Variants in PTPRO observed in about 807,000 individuals in gnomAD.
PTPRO encodes receptor-type tyrosine-protein phosphatase O.
A neutral mutation model predicts 145.2 loss-of-function variants in PTPRO; 62 were observed. That is an observed-to-expected ratio of 0.43 (90% CI 0.35 to 0.53). The LOEUF is 0.53. PTPRO is among the 20% of genes least tolerant of loss of function. PTPRO has a pLI of 0.01. For missense variants in PTPRO, 1,345 were observed against 1,482.7 expected, an observed-to-expected ratio of 0.91 and a Z score of 1.53; for synonymous variants, 565 against 514.7, an observed-to-expected ratio of 1.10 and a Z score of -1.32.
chr12:15,398,687 A>T (rs1007343189), intron 1 of PTPRO, among the ~76,000 whole-genome samples: 101 of 143,324 alleles, frequency 7.0e-4, no homozygotes, highest in Non-Finnish European at 2.0e-4. Context: ...TTTTACAGAA[A>T]CTCTTTTTTT....
chr12:15,382,983 C>T (rs566328290), intron 1 of PTPRO, among the ~76,000 whole-genome samples: 1 of 152,302 alleles, frequency 6.6e-6, no homozygotes, highest in South Asian at 2.1e-4. Flanking sequence ...TTAAAATTCA[C>T]TCTTTTAGCA....
intron 1 of PTPRO, among the ~76,000 whole-genome samples, chr12:15,360,820 ATG>A (rs1389669854): frequency 1.2e-4 from 16 of 137,250 alleles, no homozygotes; most frequent in East Asian, 4.2e-4. Flanking sequence ...GTGTGTATAT[ATG>A]TGTGTGTATA....
At chr12:15,478,225 C>A (rs1053840289) in intron 1 of PTPRO, among the ~76,000 whole-genome samples, 1 of 152,138 alleles carries the variant, frequency 6.6e-6, no homozygotes, top group South Asian at 2.1e-4. Flanking sequence ...CTGTGATCAC[C>A]AGCCAATAGG....
At chr12:15,522,960 A>G (rs1034172103) in intron 10 of PTPRO, among the ~76,000 whole-genome samples, 5 of 152,238 alleles carry the variant, frequency 3.3e-5, no homozygotes, top group African/African-American at 9.6e-5. Flanking sequence ...CTTGTATATG[A>G]CGAAATATGT....
At chr12:15,344,455 T>C (rs544282136) in intron 1 of PTPRO, among the ~76,000 whole-genome samples, 1 of 152,294 alleles carries the variant, frequency 6.6e-6, no homozygotes, top group African/African-American at 2.4e-5. Flanking sequence ...ATGAAAAGAA[T>C]AGCTCTCTAT....
chr12:15,352,075 G>A (rs1937821030), intron 1 of PTPRO, among the ~76,000 whole-genome samples: 2 of 152,130 alleles, frequency 1.3e-5, no homozygotes, highest in African/African-American at 4.8e-5. Flanking sequence ...TGCACTTTGA[G>A]GAAGCACCTC....
intron 12 of PTPRO, among the ~76,000 whole-genome samples, chr12:15,531,240 A>G (rs1222519495): frequency 6.6e-6 from 1 of 152,176 alleles, no homozygotes; most frequent in African/African-American, 2.4e-5. Flanking sequence ...AAGAAAGCCC[A>G]GGTCCTGATG....
At position 15,516,846 on chromosome 12, in the gene PTPRO, G is replaced by A. The variant is rs1363507720; in HGVS notation, c.1669G>A (p.Val557Met). Residue 557 changes from valine (V) to methionine (M), a missense_variant, in exon 9 of 27, where the codon GTG (valine) becomes ATG (methionine). This residue lies in a region of PTPRO where 1,130 missense variants were observed against 1,214.7 expected (regional missense o/e 0.93). Coordinates refer to ENST00000281171, the MANE Select transcript of PTPRO (RefSeq NM_030667.3). ...VLSWTRPYLG[V>M]FRKYVVEMFY... ...GAGCTGGACCAGACCTTATTTAGGC[G>A]TGTTCAGAAAATACGTGGTTGAAAT... 8.1e-6 allele frequency: 13 copies of A among 1,611,978 alleles called. No homozygotes were observed. The highest frequency in any genetic ancestry group is 5.5e-5 in the South Asian group (5 of 91,060).
At chr12:15,478,168 C>G (rs530053933) in intron 1 of PTPRO, among the ~76,000 whole-genome samples, 1 of 152,290 alleles carries the variant, frequency 6.6e-6, no homozygotes, top group Admixed American at 6.5e-5. Flanking sequence ...GGCCATGAAC[C>G]ATTAACAATG....
chr12:15,551,559 A>T lies in PTPRO; in HGVS notation c.2446A>T (p.Met816Leu). ...ACAACTTATCTCTTTAGTTACAGAGATGAATCCCAATGTGGTAGTGATCTC... is the reference window on the plus strand; with the variant it reads ...ACAACTTATCTCTTTAGTTACAGAGTTGAATCCCAATGTGGTAGTGATCTC... The part of the protein sequence containing the change: ...FIAVSTMVTE[M>L]NPNVVVISVL... The change falls in exon 15 of 27, where the codon ATG becomes TTG. Residue 816 changes from methionine to leucine, a missense_variant. Around this residue, in one of 3 missense-constraint regions of PTPRO, gnomAD observed 1,130 missense variants for 1,214.7 expected, o/e 0.93. Transcript: ENST00000281171. 1 of 1,613,592 alleles carries T rather than the reference A, an allele frequency of 6.2e-7. No homozygotes were observed. Among genetic ancestry groups the T allele is most frequent in the East Asian group, 2.2e-5 (1 of 44,848 alleles).
chr12:15,399,099 A>G (rs927102029), intron 1 of PTPRO, among the ~76,000 whole-genome samples: 2 of 152,170 alleles, frequency 1.3e-5, no homozygotes, highest in East Asian at 1.9e-4. Flanking sequence ...CAATGATCTC[A>G]TAATACTAAA....
At chr12:15,325,982 T>C (rs969590249) in intron 1 of PTPRO, among the ~76,000 whole-genome samples, 3 of 152,228 alleles carry the variant, frequency 2.0e-5, no homozygotes, top group African/African-American at 4.8e-5. Flanking sequence ...AAAAAGGGTC[T>C]TAATATTGTA....
At chr12:15,486,746 A>G (rs949819760) in intron 2 of PTPRO, among the ~76,000 whole-genome samples, 1 of 151,888 alleles carries the variant, frequency 6.6e-6, no homozygotes, top group African/African-American at 2.4e-5. Flanking sequence ...CACTAGCCTA[A>G]TTTTAATCGC....
chr12:15,331,962 C>CTTTTTTTTTTTTT (rs200334215), intron 1 of PTPRO, among the ~76,000 whole-genome samples: 1 of 118,248 alleles, frequency 8.5e-6, no homozygotes, highest in Non-Finnish European at 1.8e-5. Context: ...CTCTTTCTTT[C>CTTTTTTTTTTTTT]TTTTTTTTTT....
intron 1 of PTPRO, among the ~76,000 whole-genome samples, chr12:15,409,782 AC>A (rs1939745328): frequency 1.3e-5 from 2 of 152,210 alleles, no homozygotes; most frequent in Non-Finnish European, 2.9e-5. Context: ...TCTCACAAGA[AC>A]TCACTCACTA....
chr12:15,430,704 C>G lies in PTPRO; in HGVS notation c.76-53270C>G, dbSNP rs58902685. Among the ~76,000 whole-genome samples the G allele has an allele frequency of 3.0e-3, 450 of 152,204 alleles. 2 individuals carry two copies. Among genetic ancestry groups the G allele is most frequent in the African/African-American group, 0.01 (422 of 41,540 alleles). On this transcript the variant is annotated intron_variant, in intron 1 of 26. Coordinates refer to ENST00000281171, the MANE Select transcript of PTPRO (RefSeq NM_030667.3). Reference sequence around the variant, plus strand: ...AATATATTATACACTTGAAAAATTTCTAAGAGTAGATCCTAAGTGTTCCCA... The same window carrying G: ...AATATATTATACACTTGAAAAATTTGTAAGAGTAGATCCTAAGTGTTCCCA...
chr12:15,399,000 G>A (rs1372303621), intron 1 of PTPRO, among the ~76,000 whole-genome samples: 2 of 152,128 alleles, frequency 1.3e-5, no homozygotes, highest in East Asian at 3.8e-4. Flanking sequence ...TAACAAAAAG[G>A]CTGAATGAAC....
chr12:15,365,911 G>A (rs1016452190), intron 1 of PTPRO, among the ~76,000 whole-genome samples: 1 of 152,092 alleles, frequency 6.6e-6, no homozygotes, highest in African/African-American at 2.4e-5. Flanking sequence ...CTGAATCCTG[G>A]CCCATTAGAG....
At chr12:15,589,729 C>A in intron 25 of PTPRO, 139 bp downstream of exon 25, 2 of 1,065,932 alleles carry the variant, frequency 1.9e-6, no homozygotes, top group Non-Finnish European at 2.8e-6. Flanking sequence ...TATGTTCAAA[C>A]TGCTTTGAGG....
Sources: gnomAD v4.1 joint callset for allele counts (sites outside exome capture counted in the v4.1 genomes callset) on GRCh38, gnomAD v4.1.1 for gene constraint, gnomAD v4.1.1 regional missense constraint, MANE v1.5 for transcripts, NCBI Gene and HGNC (gene_info 2026-07-23, HGNC 2026-07-21) for gene names.